Variants in ZCCHC2 observed in about 807,000 individuals in gnomAD.
ZCCHC2 encodes the protein zinc finger CCHC-type containing 2, also known as zinc finger CCHC domain-containing protein 2.
A neutral mutation model predicts 103.6 loss-of-function variants in ZCCHC2; 39 were observed. The observed-to-expected ratio is 0.38, with a 90% CI of 0.29 to 0.49. ZCCHC2 has a LOEUF of 0.49. Among genes scored for constraint, ZCCHC2 ranks in the 20% least tolerant of loss-of-function variants. ZCCHC2 has a pLI of 0.96. For missense variants in ZCCHC2, 1,483 were observed against 1,491.0 expected, an observed-to-expected ratio of 0.99 and a Z score of 0.09; for synonymous variants, 687 against 608.9, an observed-to-expected ratio of 1.13 and a Z score of -1.89.
intron 11 of ZCCHC2, among the ~76,000 whole-genome samples, chr18:62,569,664 T>G (rs1288064898): frequency 2.0e-5 from 3 of 152,264 alleles, no homozygotes; most frequent in East Asian, 1.9e-4. Context: ...CAGGGGACTA[T>G]TCAGTCTACT....
At chr18:62,573,501 T>G (rs1286619165) in intron 12 of ZCCHC2, among the ~76,000 whole-genome samples, 3 of 152,220 alleles carry the variant, frequency 2.0e-5, no homozygotes, top group Admixed American at 1.3e-4. Context: ...TAATAATAGC[T>G]TTAAATTTTC....
rs368666775 is a variant in ZCCHC2 at position 62,575,470 on chromosome 18, A to G, written c.3389A>G (p.Asn1130Ser). 10 of 1,613,896 alleles carry G rather than the reference A, an allele frequency of 6.2e-6. No individual in the cohort carries two copies. The highest frequency in any genetic ancestry group is 5.0e-5 in the Admixed American group (3 of 59,998). Residue 1130 changes from asparagine to serine, a missense_variant, in exon 13 of 14, where the codon AAT becomes AGT. Asn to Ser is a conservative substitution (Grantham distance 46). Coordinates refer to ENST00000269499, the MANE Select transcript of ZCCHC2 (RefSeq NM_017742.6). ...TSGSGPKKNG[N>S]VSCYNCGVSG... ...GGTTCGGGGCCCAAGAAGAATGGGA[A>G]TGTCTCATGTTACAATTGTGGTGTA...
rs1295624447 is a variant in ZCCHC2 at position 62,523,673 on chromosome 18, C to G, written c.249C>G (p.Gly83=). 7.3e-7 allele frequency: 1 copy of G among 1,363,334 alleles called. No homozygotes were observed. Among genetic ancestry groups the G allele is most frequent in the South Asian group, 1.8e-5 (1 of 56,666 alleles). The allele number at this position is 1,363,334 out of a possible 1,614,324, so 84.5% of individuals were successfully genotyped here. A position where few individuals can be genotyped will look rare whatever the true frequency, so the allele number is the denominator to read the frequency against. ...CGGCGGCGGGGGCGGGTATGCCGGG[C>G]GGCGGCGGGGGGCCCTCGGCGGCGC... ...GGAAAGAGMP[G]GGGGPSAALR... The change falls in exon 1 of 14, where the codon GGC becomes GGG. Residue 83 remains glycine (G), a synonymous_variant. Coordinates refer to ENST00000269499, the MANE Select transcript of ZCCHC2 (RefSeq NM_017742.6).
At chr18:62,553,740 C>G (rs1191550595) in intron 5 of ZCCHC2, among the ~76,000 whole-genome samples, 1 of 152,188 alleles carries the variant, frequency 6.6e-6, no homozygotes, top group African/African-American at 2.4e-5. Context: ...CTCAATTGCT[C>G]TTCTTTGCCC....
At position 62,575,450 on chromosome 18, in the gene ZCCHC2, G is replaced by A. The variant is rs1216773820; in HGVS notation, c.3369G>A (p.Ser1123=). 10 of 1,613,850 alleles carry A rather than the reference G, an allele frequency of 6.2e-6. No individual in the cohort carries two copies. The highest frequency in any genetic ancestry group is 2.7e-5 in the African/African-American group (2 of 74,894). The change falls in exon 13 of 14, where the codon TCG becomes TCA. Residue 1123 remains serine, a synonymous_variant. Coordinates refer to ENST00000269499, the MANE Select transcript of ZCCHC2 (RefSeq NM_017742.6). ...APNVVANTSG[S]GPKKNGNVSC... Reference sequence around the variant, plus strand: ...ACGTAGTTGCCAACACCAGTGGTTCGGGGCCCAAGAAGAATGGGAATGTCT... The same window carrying A: ...ACGTAGTTGCCAACACCAGTGGTTCAGGGCCCAAGAAGAATGGGAATGTCT...
In ZCCHC2 at chr18:62,576,839, G is replaced by C; in HGVS notation, c.*260G>C. On this transcript the variant is annotated 3_prime_UTR_variant, in exon 14 of 14. Transcript: ENST00000269499. ...CCTTCAGACAAACTTAAATGTTGGT[G>C]CGTGCTTTTTTTTTTTTTTTTACAC... 3.7e-6 allele frequency: 1 copy of C among 269,152 alleles called. No individual in the cohort carries two copies. The allele number at this position is 269,152 out of a possible 1,614,324, so 16.7% of individuals were successfully genotyped here.
At position 62,525,706 on chromosome 18, in the gene ZCCHC2, T is replaced by G. The variant is rs1318809606; in HGVS notation, c.939+1343T>G. On this transcript the variant is annotated intron_variant, in intron 1 of 13. Transcript: ENST00000269499. ...AATTCATGTTTTGGGACGTATTTTA[T>G]CAAACTCAGATGTAACGCTCTAGTG... Among the ~76,000 whole-genome samples, 3 of 152,112 alleles carry G rather than the reference T, an allele frequency of 2.0e-5. No homozygotes were observed. The East Asian group carries it at 5.8e-4, about 29-fold the overall frequency.
At chr18:62,561,808 C>G (rs1916129002) in intron 8 of ZCCHC2, among the ~76,000 whole-genome samples, 1 of 152,174 alleles carries the variant, frequency 6.6e-6, no homozygotes, top group African/African-American at 2.4e-5. Context: ...TTGTTGTTGT[C>G]TGGTTTTCAG....
Position 62,574,970 on chromosome 18 carries a change from C to G in ZCCHC2, c.2889C>G (p.Thr963=). The change falls in exon 13 of 14, where the codon ACC becomes ACG. Residue 963 remains threonine (T), a synonymous_variant. Coordinates refer to ENST00000269499, the MANE Select transcript of ZCCHC2 (RefSeq NM_017742.6). ...CAACTGTTCCTCCTGCAGTTCCTAC[C>G]CACACCCCAGGCCCTGCCCCGAGCC... ...AQATVPPAVP[T]HTPGPAPSPS... is the part of the protein sequence containing the mutation. 1 of 1,613,930 alleles carries G rather than the reference C, an allele frequency of 6.2e-7. No homozygotes were observed. Among genetic ancestry groups the G allele is most frequent in the Non-Finnish European group, 8.5e-7 (1 of 1,179,886 alleles).
At chr18:62,539,274 T>C (rs565620588) in intron 1 of ZCCHC2, among the ~76,000 whole-genome samples, 113 of 152,358 alleles carry the variant, frequency 7.4e-4, no homozygotes, top group African/African-American at 2.6e-3. Context: ...TTTTTCCTAA[T>C]AAAGCATCTT....
intron 6 of ZCCHC2, among the ~76,000 whole-genome samples, 170 bp downstream of exon 6, chr18:62,556,467 T>C (rs937606326): frequency 1.3e-5 from 2 of 152,228 alleles, no homozygotes; most frequent in African/African-American, 4.8e-5. Flanking sequence ...AAGAAGGTCA[T>C]GAATAAAAGC....
intron 3 of ZCCHC2, among the ~76,000 whole-genome samples, chr18:62,542,790 A>G (rs1381219612): frequency 6.6e-6 from 1 of 152,256 alleles, no homozygotes; most frequent in Non-Finnish European, 1.5e-5. Context: ...ATTAAAAAGA[A>G]GTAAGAGCCT....
At chr18:62,541,830 T>G (rs1470170587) in intron 2 of ZCCHC2, among the ~76,000 whole-genome samples, 1 of 152,222 alleles carries the variant, frequency 6.6e-6, no homozygotes, top group Non-Finnish European at 1.5e-5. Flanking sequence ...ACTTCATGAA[T>G]AAACTGATTA....
At chr18:62,558,084 C>G (rs1339424473) in intron 6 of ZCCHC2, among the ~76,000 whole-genome samples, 1 of 151,280 alleles carries the variant, frequency 6.6e-6, no homozygotes, top group East Asian at 1.9e-4. Context: ...CACTCCATAT[C>G]CTGAAAACTA....
chr18:62,579,407 G>A (rs1461287833), downstream of ZCCHC2, among the ~76,000 whole-genome samples: 1 of 152,232 alleles, frequency 6.6e-6, no homozygotes, highest in East Asian at 1.9e-4. Flanking sequence ...GGGCCTGTGT[G>A]TGTTGCTCCA....
chr18:62,549,114 G>A (rs1200760558), intron 4 of ZCCHC2, among the ~76,000 whole-genome samples: 1 of 152,094 alleles, frequency 6.6e-6, no homozygotes, highest in Non-Finnish European at 1.5e-5. Context: ...AGCTACTCGG[G>A]AGGCTGAGGC....
At chr18:62,548,885 A>G (rs1233969841) in intron 4 of ZCCHC2, among the ~76,000 whole-genome samples, 2 of 151,326 alleles carry the variant, frequency 1.3e-5, no homozygotes, top group Non-Finnish European at 2.9e-5. Flanking sequence ...AGATCATGCC[A>G]CTGCACTCCA....
Sources: gnomAD v4.1 joint callset for allele counts (sites outside exome capture counted in the v4.1 genomes callset) on GRCh38, gnomAD v4.1.1 for gene constraint, MANE v1.5 for transcripts, NCBI Gene and HGNC (gene_info 2026-07-23, HGNC 2026-07-21) for gene names.